SOX5: variants seen among roughly 807,000 people sequenced by gnomAD.
SOX5 encodes transcription factor SOX-5.
SOX5 carries 9 observed loss-of-function variants against 92.0 expected under a neutral mutation model. That is an observed-to-expected ratio of 0.10 (90% confidence interval 0.06 to 0.17). The LOEUF (loss-of-function observed/expected upper bound fraction) is 0.17. SOX5 is among the 10% of genes least tolerant of loss of function. The pLI is 1.00. For synonymous variants in SOX5, 344 were observed against 336.3 expected, an observed-to-expected ratio of 1.02 and a Z score of -0.25; for missense variants, 642 against 944.5, an observed-to-expected ratio of 0.68 and a Z score of 4.20.
chr12:23,720,629 G>T (rs2092762485), intron 6 of SOX5, among the ~76,000 whole-genome samples: 1 of 151,908 alleles, frequency 6.6e-6, no homozygotes, highest in Admixed American at 6.6e-5. Context: ...AAAATACAGA[G>T]ACTATTATGA....
In SOX5 at chr12:23,557,430, G is replaced by C. The variant is rs1945372015; in HGVS notation, c.1488+5828C>G. 2.0e-5 allele frequency among the ~76,000 whole-genome samples: 3 copies of C among 152,094 alleles called. No individual in the cohort carries two copies. The South Asian group carries it at 6.2e-4, about 31-fold the overall frequency. ...GCATGCATTATATGTTTATATTCCA[G>C]GTACACTGTAGGCAATTAATGTTCA... On this transcript the variant is annotated intron_variant, in intron 11 of 14. Coordinates refer to ENST00000451604, the MANE Select transcript of SOX5 (RefSeq NM_006940.6).
At chr12:24,375,710 T>A (rs1040949022) in intron 1 of SOX5, among the ~76,000 whole-genome samples, 9 of 132,422 alleles carry the variant, frequency 6.8e-5, no homozygotes, top group African/African-American at 1.8e-4. Flanking sequence ...CACTCCAGCC[T>A]AGGCAACAAG....
At position 23,571,153 on chromosome 12, in the gene SOX5, A is replaced by AAAT. The variant is rs778779484; in HGVS notation, c.1342+4505_1342+4507dup. Among the ~76,000 whole-genome samples the AAAT allele has an allele frequency of 2.8e-4, 41 of 148,448 alleles. 1 individual carries two copies. The highest frequency in any genetic ancestry group is 4.7e-4 in the Admixed American group (7 of 14,852). On this transcript the variant is annotated intron_variant, in intron 10 of 14. Coordinates refer to ENST00000451604, the MANE Select transcript of SOX5 (RefSeq NM_006940.6). ...AACAGAAAGAGTAAGTTCCTGTCTC[A>AAAT]AATAATAATAATAATAATAAATAAA... is the stretch of plus-strand genomic sequence containing the variant.
At chr12:23,612,564 G>T (rs2076092853) in intron 8 of SOX5, among the ~76,000 whole-genome samples, 1 of 152,066 alleles carries the variant, frequency 6.6e-6, no homozygotes, top group African/African-American at 2.4e-5. Context: ...TATAAAAATG[G>T]AAGATTTCTT....
chr12:23,866,034 T>C (rs965356588), intron 2 of SOX5, among the ~76,000 whole-genome samples: 2 of 152,194 alleles, frequency 1.3e-5, no homozygotes, highest in African/African-American at 2.4e-5. Context: ...TTACTTCTTA[T>C]AGATGAGCAA....
At chr12:23,615,675 C>T (rs763091827) in intron 8 of SOX5, among the ~76,000 whole-genome samples, 28 of 113,372 alleles carry the variant, frequency 2.5e-4, no homozygotes, top group South Asian at 6.7e-4. Context: ...GCAAAAGACA[C>T]GATCTCATTC....
chr12:23,534,704 C>CTTTTTTT (rs60460683), intron 14 of SOX5, among the ~76,000 whole-genome samples, 182 bp from the exon 15 acceptor site: 11 of 108,826 alleles, frequency 1.0e-4, no homozygotes, highest in Non-Finnish European at 1.5e-4. Context: ...CTTTTCTTTT[C>CTTTTTTT]TTTTTTTTTT....
rs145833419 is a variant in SOX5, at chr12:24,142,567, C to T, written c.-2+70776G>A. On this transcript the variant is annotated intron_variant, in intron 4 of 4. Coordinates refer to the SOX5 transcript ENST00000446891. ...AAACTATTGGGGCAAGATGGAGTAA[C>T]AGGGACTGGATTTACTGTTTTGCCT... 3.7e-3 allele frequency among the ~76,000 whole-genome samples: 561 copies of T among 152,180 alleles called. 2 individuals are homozygous for T. Among genetic ancestry groups the T allele is most frequent in the Middle Eastern group, 0.014 (4 of 294 alleles).
chr12:24,212,584 A>G, intron 4 of SOX5: 1 of 477,832 alleles, frequency 2.1e-6, no homozygotes, highest in Non-Finnish European at 4.2e-6. Context: ...GAGAGTTGTG[A>G]GCATTGTTGA....
intron 4 of SOX5, among the ~76,000 whole-genome samples, chr12:24,121,863 G>A (rs1006569951): frequency 4.9e-5 from 7 of 142,988 alleles, no homozygotes; most frequent in African/African-American, 1.3e-4. Flanking sequence ...TCTAGCCTGG[G>A]CGACAGAGTG....
intron 1 of SOX5, among the ~76,000 whole-genome samples, chr12:24,385,918 C>A (rs1216562275): frequency 2.0e-5 from 2 of 98,338 alleles, no homozygotes; most frequent in Non-Finnish European, 4.1e-5. Context: ...CAGAGCAAGA[C>A]CTTGTCACAA....
intron 4 of SOX5, among the ~76,000 whole-genome samples, chr12:24,071,301 C>T (rs998438533): frequency 6.6e-6 from 1 of 152,204 alleles, no homozygotes; most frequent in Non-Finnish European, 1.5e-5. Flanking sequence ...TGCTTAACTG[C>T]ATTGCCTAAT....
intron 9 of SOX5, among the ~76,000 whole-genome samples, chr12:23,602,148 AATC>A (rs1321598239): frequency 2.0e-5 from 3 of 152,118 alleles, no homozygotes; most frequent in Admixed American, 1.3e-4. Context: ...AATAATGTAT[AATC>A]ATGGCTATAG....
chr12:23,555,234 A>ACTT (rs1944949737), intron 11 of SOX5, among the ~76,000 whole-genome samples: 2 of 152,090 alleles, frequency 1.3e-5, no homozygotes, highest in South Asian at 2.1e-4. Context: ...GTGTTTTCAA[A>ACTT]CTTATCTTTT....
At chr12:24,534,460 T>C (rs1951461739) in intron 1 of SOX5, among the ~76,000 whole-genome samples, 1 of 152,216 alleles carries the variant, frequency 6.6e-6, no homozygotes, top group South Asian at 2.1e-4. Context: ...CTTAAAATTC[T>C]GGTTTTTACA....
chr12:23,909,217 A>AC (rs2097325193), intron 1 of SOX5, among the ~76,000 whole-genome samples: 1 of 152,218 alleles, frequency 6.6e-6, no homozygotes, highest in Non-Finnish European at 1.5e-5. Context: ...CTTTAAAAGT[A>AC]CGTCATAGAG....
At chr12:23,871,583 C>T (rs1366392347) in intron 2 of SOX5, among the ~76,000 whole-genome samples, 3 of 152,018 alleles carry the variant, frequency 2.0e-5, no homozygotes, top group African/African-American at 7.2e-5. Context: ...ATATTACTAC[C>T]AGGGTTACAT....
chr12:24,364,453 A>G (rs958017221), intron 2 of SOX5, among the ~76,000 whole-genome samples: 5 of 148,506 alleles, frequency 3.4e-5, no homozygotes, highest in African/African-American at 1.2e-4. Context: ...CTTAACCTAC[A>G]CCCTTAAAAA....
chr12:24,236,846 A>G (rs1445347544), intron 3 of SOX5, among the ~76,000 whole-genome samples: 1 of 151,976 alleles, frequency 6.6e-6, no homozygotes, highest in Non-Finnish European at 1.5e-5. Flanking sequence ...AGTAATAAAC[A>G]CGTGGGGGCA....
Sources: allele counts gnomAD v4.1 joint callset (sites outside exome capture counted in the v4.1 genomes callset), GRCh38; gene constraint gnomAD v4.1.1; transcripts MANE v1.5; gene names NCBI Gene and HGNC (gene_info 2026-07-23, HGNC 2026-07-21).